The following ZNF564 variants were observed in gnomAD, a reference collection of about 807,000 sequenced individuals.
The protein encoded by ZNF564 is zinc finger protein 564.
Under a neutral mutation model 10.5 loss-of-function variants are expected in ZNF564, and 5 were observed. That is an observed-to-expected ratio of 0.48 (90% CI 0.25 to 1.00). The LOEUF (loss-of-function observed/expected upper bound fraction) is 1.00. Ranked by LOEUF, ZNF564 falls within the 50% of genes least tolerant of loss-of-function variation. The pLI, the probability that ZNF564 is intolerant of heterozygous loss-of-function variation, is 0.16. For missense variants in ZNF564, 603 were observed against 669.7 expected (o/e 0.90, Z 1.10); for synonymous variants, 242 against 218.1 (o/e 1.11, Z -0.97).
intron 1 of ZNF564, among the ~76,000 whole-genome samples, chr19:12,547,296 C>A (rs145625423): frequency 2.0e-5 from 3 of 152,282 alleles, no homozygotes; most frequent in African/African-American, 7.2e-5. Context: ...CTCAAGCAAT[C>A]CTCCTGTTTC....
At chr19:12,544,468 G>C (rs1304570040) in intron 1 of ZNF564, among the ~76,000 whole-genome samples, 1 of 152,162 alleles carries the variant, frequency 6.6e-6, no homozygotes, top group Non-Finnish European at 1.5e-5. Flanking sequence ...ACCAGAAGCA[G>C]GGCTTAGTCA....
At chr19:12,549,563 G>A (rs572246795) in intron 1 of ZNF564, among the ~76,000 whole-genome samples, 5 of 152,228 alleles carry the variant, frequency 3.3e-5, no homozygotes, top group African/African-American at 1.2e-4. Flanking sequence ...CAATCCAGAG[G>A]TCAGGAATCA....
chr19:12,528,714 T>C lies in ZNF564; in HGVS notation c.4-18A>G, dbSNP rs368178384. The C allele has an allele frequency of 1.0e-5, 16 of 1,601,100 alleles. No individual in the cohort carries two copies. The East Asian group carries it at 2.7e-4, about 27-fold the overall frequency. ...ACTGAGTCCTAAAACATCCCAAATATGCAATGCAGGAGGAAGAATGAGATG... is the reference window on the plus strand; with the variant it reads ...ACTGAGTCCTAAAACATCCCAAATACGCAATGCAGGAGGAAGAATGAGATG... On this transcript the variant is annotated intron_variant, in intron 1 of 3. Coordinates refer to ENST00000339282, the MANE Select transcript of ZNF564 (RefSeq NM_144976.4).
In ZNF564 at chr19:12,527,828, T is replaced by C; in HGVS notation, c.280A>G (p.Lys94Glu). The C allele has an allele frequency of 6.2e-7, 1 of 1,614,190 alleles. No individual in the cohort carries two copies. The highest frequency in any genetic ancestry group is 2.2e-5 in the East Asian group (1 of 44,886). ...GGTCTTACTATAGTAGGAATTTTCT[T>C]GTTCAGATTAAGATTGAGAATCTGA... The part of the protein sequence containing the change: ...FSQILNLNLN[K>E]KIPTIVRPCE... The change falls in exon 4 of 4, where the codon AAG becomes GAG. Residue 94 changes from lysine (K) to glutamate (E), a missense_variant. Transcript: ENST00000339282.
chr19:12,548,049 C>A, intron 1 of ZNF564: 1 of 479,560 alleles, frequency 2.1e-6, no homozygotes, highest in Non-Finnish European at 2.7e-6. Flanking sequence ...CTCAGGTGAT[C>A]CACCCACCTC....
Position 12,527,921 on chromosome 19 carries a change from A to G in ZNF564, c.192-5T>C, listed in dbSNP as rs748342918. On this transcript the variant is annotated splice_polypyrimidine_tract_variant and splice_region_variant and intron_variant, in intron 3 of 3. Transcript: ENST00000339282. ...AGTCCCTCTTCCATATGATTTCTGGAAAAAATAGAAAGCAAGATTTAGTGG... is the reference window on the plus strand; with the variant it reads ...AGTCCCTCTTCCATATGATTTCTGGGAAAAATAGAAAGCAAGATTTAGTGG... 15 of 1,568,240 alleles carry G rather than the reference A, an allele frequency of 9.6e-6. No individual in the cohort carries two copies. In the African/African-American group the frequency reaches 2.1e-4, roughly 22 times the overall value.
chr19:12,548,607 T>C, intron 1 of ZNF564: 1 of 537,404 alleles, frequency 1.9e-6, no homozygotes, highest in Non-Finnish European at 3.3e-6. Flanking sequence ...GCCTTGGTGC[T>C]GGGATAACAG....
rs765007084 is a variant in ZNF564, at chr19:12,527,020, T to C, written c.1088A>G (p.Lys363Arg). Residue 363 changes from lysine to arginine, a missense_variant, in exon 4 of 4, where the codon AAG becomes AGG. By Grantham distance (26) the Lys-to-Arg change is conservative (BLOSUM62 2). Transcript: ENST00000339282. ...RTHERTHTGEKPYECKECGKA... is the reference protein window; with the variant it reads ...RTHERTHTGERPYECKECGKA... ...CCCGCATTCCTTACATTCATAGGGC[T>C]TCTCTCCAGTGTGAGTCCTTTCATG... The C allele has an allele frequency of 8.7e-6, 14 of 1,613,930 alleles. 1 individual carries two copies. The South Asian group carries it at 1.4e-4, about 16-fold the overall frequency.
At chr19:12,539,248 A>T (rs923161818) in intron 1 of ZNF564, among the ~76,000 whole-genome samples, 1 of 150,350 alleles carries the variant, frequency 6.7e-6, no homozygotes, top group Non-Finnish European at 1.5e-5. Flanking sequence ...CTCAAAAAAA[A>T]AAAAAAAAAA....
intron 1 of ZNF564, among the ~76,000 whole-genome samples, chr19:12,534,422 T>C (rs1331646959): frequency 6.6e-6 from 1 of 152,170 alleles, no homozygotes; most frequent in African/African-American, 2.4e-5. Flanking sequence ...GAACACCAAA[T>C]GATGGCAAAG....
intron 1 of ZNF564, among the ~76,000 whole-genome samples, chr19:12,532,212 C>A (rs889760544): frequency 7.0e-6 from 1 of 143,464 alleles, no homozygotes; most frequent in Non-Finnish European, 1.5e-5. Context: ...AACAGCGAGA[C>A]CTTCATCTCT....
chr19:12,526,867 G>A lies in ZNF564; in HGVS notation c.1241C>T (p.Thr414Ile). ...CPSSFQIHER[T>I]HTGEKPYECQ... Reference sequence around the variant, plus strand: ...TTCATAGGGTTTCTCTCCAGTGTGAGTTCTTTCGTGTATTTGAAATGAACT... The same window carrying A: ...TTCATAGGGTTTCTCTCCAGTGTGAATTCTTTCGTGTATTTGAAATGAACT... Residue 414 changes from threonine (T) to isoleucine (I), a missense_variant, in exon 4 of 4, where the codon ACT becomes ATT. Physicochemically the swap from Thr to Ile is moderately conservative, Grantham distance 89. Transcript: ENST00000339282. The A allele has an allele frequency of 1.9e-6, 3 of 1,614,068 alleles. No individual in the cohort carries two copies. The highest frequency in any genetic ancestry group is 2.5e-6 in the Non-Finnish European group (3 of 1,179,984).
chr19:12,548,295 G>A, intron 1 of ZNF564: 1 of 422,300 alleles, frequency 2.4e-6, no homozygotes, highest in Non-Finnish European at 3.1e-6. Context: ...CCGGCTCACT[G>A]CAACCTCCGC....
chr19:12,537,452 T>C (rs1404575617), intron 1 of ZNF564, among the ~76,000 whole-genome samples: 1 of 152,142 alleles, frequency 6.6e-6, no homozygotes, highest in Non-Finnish European at 1.5e-5. Context: ...AGACAATGTT[T>C]TCTAAGCCGG....
At chr19:12,547,167 T>C (rs1211289010) in intron 1 of ZNF564, among the ~76,000 whole-genome samples, 3 of 152,180 alleles carry the variant, frequency 2.0e-5, no homozygotes. Context: ...TCTTCTGGGC[T>C]CAAGGGATCC....
At chr19:12,538,591 T>C (rs1206199756) in intron 1 of ZNF564, among the ~76,000 whole-genome samples, 5 of 151,676 alleles carry the variant, frequency 3.3e-5, no homozygotes, top group Admixed American at 6.6e-5. Flanking sequence ...CGCCATTGCA[T>C]TCCAGCCTGG....
Position 12,527,568 on chromosome 19 carries a change from A to G in ZNF564, c.540T>C (p.Ser180=). 6.2e-7 allele frequency: 1 copy of G among 1,614,184 alleles called. No homozygotes were observed. Among genetic ancestry groups the G allele is most frequent in the Non-Finnish European group, 8.5e-7 (1 of 1,180,018 alleles). ...TCATGTGTCTTCGAACACTTGGGAG[A>G]GAAATGAAGGCTTTCCCACATTCCG... The part of the protein sequence containing the change: ...ACPECGKAFI[S]LPSVRRHMIK... Residue 180 remains serine (S), a synonymous_variant, in exon 4 of 4, where the codon TCT becomes TCC. Coordinates refer to ENST00000339282, the MANE Select transcript of ZNF564 (RefSeq NM_144976.4).
chr19:12,534,547 C>T (rs1156788121), intron 1 of ZNF564, among the ~76,000 whole-genome samples: 1 of 152,220 alleles, frequency 6.6e-6, no homozygotes, highest in African/African-American at 2.4e-5. Context: ...GGCACAGTGG[C>T]TCATGCCTGT....
At chr19:12,546,335 TCCA>T (rs1277682809) in intron 1 of ZNF564, among the ~76,000 whole-genome samples, 2 of 152,014 alleles carry the variant, frequency 1.3e-5, no homozygotes, top group Admixed American at 1.3e-4. Flanking sequence ...TAAAACACTC[TCCA>T]CCACCACCAC....
Sources: gnomAD v4.1 joint callset for allele counts (sites outside exome capture counted in the v4.1 genomes callset) on GRCh38, gnomAD v4.1.1 for gene constraint, MANE v1.5 for transcripts, NCBI Gene and HGNC (gene_info 2026-07-23, HGNC 2026-07-21) for gene names.